CCSER1: variants seen among roughly 807,000 people sequenced by gnomAD.
CCSER1 encodes the protein serine-rich coiled-coil domain-containing protein 1.
CCSER1 carries 41 observed loss-of-function variants against 82.0 expected under a neutral mutation model. That is an observed-to-expected ratio of 0.50 (90% CI 0.39 to 0.65). The LOEUF is 0.65. Ranked by LOEUF, CCSER1 falls within the 30% of genes least tolerant of loss-of-function variation. The pLI is 0.00. For synonymous variants in CCSER1, 414 were observed against 383.9 expected (o/e 1.08, Z -0.92); for missense variants, 1,119 against 1,064.2 (o/e 1.05, Z -0.72).
Position 90,343,675 on chromosome 4 carries a change from G to T in CCSER1, c.1509+30628G>T, listed in dbSNP as rs151193274. On this transcript the variant is annotated intron_variant, in intron 3 of 10. Coordinates refer to ENST00000509176, the MANE Select transcript of CCSER1 (RefSeq NM_001145065.2). Reference sequence around the variant, plus strand: ...TATTTTTTAGACTTGATGGACTTTGGTGTATTCTCACACCAGACTTTTTGG... The same window carrying T: ...TATTTTTTAGACTTGATGGACTTTGTTGTATTCTCACACCAGACTTTTTGG... 2.9e-3 allele frequency among the ~76,000 whole-genome samples: 434 copies of T among 152,168 alleles called. 4 individuals are homozygous for T. The highest frequency in any genetic ancestry group is 0.025 in the South Asian group (121 of 4,810).
chr4:90,990,147 T>G (rs907281000), intron 9 of CCSER1, among the ~76,000 whole-genome samples: 6 of 151,856 alleles, frequency 4.0e-5, no homozygotes, highest in Non-Finnish European at 7.4e-5. Flanking sequence ...ATTAAGCAAC[T>G]CTCAACAATA....
intron 10 of CCSER1, among the ~76,000 whole-genome samples, chr4:91,247,398 A>T (rs1244834628): frequency 6.6e-6 from 1 of 152,200 alleles, no homozygotes; most frequent in Non-Finnish European, 1.5e-5. Flanking sequence ...TGATCCTGGA[A>T]CAATCCAGGT....
At chr4:91,462,764 G>A (rs1440920700) in intron 10 of CCSER1, among the ~76,000 whole-genome samples, 1 of 152,168 alleles carries the variant, frequency 6.6e-6, no homozygotes, top group Non-Finnish European at 1.5e-5. Context: ...CTCATTGCTA[G>A]CACAGCAGTC....
At chr4:91,569,240 C>A (rs1053207073) in intron 10 of CCSER1, among the ~76,000 whole-genome samples, 1 of 152,110 alleles carries the variant, frequency 6.6e-6, no homozygotes, top group Non-Finnish European at 1.5e-5. Context: ...CAGCCATGTT[C>A]CTTCTCATTG....
intron 5 of CCSER1, among the ~76,000 whole-genome samples, chr4:90,568,650 C>A (rs1254469018): frequency 1.3e-5 from 2 of 151,898 alleles, no homozygotes; most frequent in Non-Finnish European, 2.9e-5. Context: ...AATCCATTTA[C>A]ATTCTAGATA....
chr4:90,217,545 A>T (rs907311759), intron 1 of CCSER1, among the ~76,000 whole-genome samples: 1 of 152,038 alleles, frequency 6.6e-6, no homozygotes, highest in East Asian at 1.9e-4. Flanking sequence ...CAAAAGAGAG[A>T]TAGGCTGACT....
At chr4:90,455,585 C>T (rs572455468) in intron 4 of CCSER1, among the ~76,000 whole-genome samples, 1 of 151,996 alleles carries the variant, frequency 6.6e-6, no homozygotes, top group African/African-American at 2.4e-5. Context: ...GTAGGTGAGG[C>T]TAAGAAAAAA....
At position 91,488,206 on chromosome 4, in the gene CCSER1, C is replaced by T. The variant is rs550200756; in HGVS notation, c.2218-110366C>T. 2.6e-3 allele frequency among the ~76,000 whole-genome samples: 395 copies of T among 152,264 alleles called. 2 individuals carry two copies. Among genetic ancestry groups the T allele is most frequent in the South Asian group, 5.2e-3 (25 of 4,828 alleles). On this transcript the variant is annotated intron_variant, in intron 10 of 10. Coordinates refer to ENST00000509176, the MANE Select transcript of CCSER1 (RefSeq NM_001145065.2). ...ATCCAAAAATTAAGAGTTAAATGGA[C>T]ATTTGCCTATTATCAAATAAAATTG...
chr4:90,921,451 T>A (rs1200075392), intron 8 of CCSER1, among the ~76,000 whole-genome samples: 1 of 152,020 alleles, frequency 6.6e-6, no homozygotes, highest in Non-Finnish European at 1.5e-5. Flanking sequence ...AACAATGACA[T>A]CCCTTGAAAT....
At chr4:91,574,492 C>G (rs185457121) in intron 10 of CCSER1, among the ~76,000 whole-genome samples, 1 of 152,048 alleles carries the variant, frequency 6.6e-6, no homozygotes, top group Admixed American at 6.6e-5. Flanking sequence ...TGGAATCTAT[C>G]TAGGTGCCCA....
intron 6 of CCSER1, among the ~76,000 whole-genome samples, chr4:90,649,183 A>C (rs1728263922): frequency 6.6e-6 from 1 of 152,234 alleles, no homozygotes; most frequent in South Asian, 2.1e-4. Flanking sequence ...AGGACATATT[A>C]GAATAAAGTT....
At chr4:90,554,451 T>G (rs1158607951) in intron 5 of CCSER1, among the ~76,000 whole-genome samples, 1 of 152,212 alleles carries the variant, frequency 6.6e-6, no homozygotes, top group Admixed American at 6.5e-5. Flanking sequence ...TCAATTTACC[T>G]TTAAATACCG....
At position 91,428,040 on chromosome 4, in the gene CCSER1, TTC is replaced by T. The variant is rs565969500; in HGVS notation, c.2218-170530_2218-170529del. ...CACTCATTTTCAATCCAACTTGAAT[TTC>T]TGTTTCATTATTTTCTAATGAAATT... is the stretch of plus-strand genomic sequence containing the variant. On this transcript the variant is annotated intron_variant, in intron 10 of 10. Transcript: ENST00000509176. Among the ~76,000 whole-genome samples, 27 of 152,172 alleles carry T rather than the reference TTC, an allele frequency of 1.8e-4. 1 individual carries two copies. In the South Asian group the frequency reaches 2.9e-3, roughly 16 times the overall value.
chr4:90,632,680 T>A (rs1412375347), intron 6 of CCSER1, among the ~76,000 whole-genome samples: 1 of 152,120 alleles, frequency 6.6e-6, no homozygotes, highest in African/African-American at 2.4e-5. Flanking sequence ...TCAGTGTCTC[T>A]TCCAAGTATA....
intron 8 of CCSER1, among the ~76,000 whole-genome samples, chr4:90,821,859 T>G (rs1338460972): frequency 6.6e-6 from 1 of 152,146 alleles, no homozygotes; most frequent in African/African-American, 2.4e-5. Context: ...ACTGTAAATA[T>G]TATCCTCAGG....
intron 5 of CCSER1, among the ~76,000 whole-genome samples, chr4:90,492,730 A>G (rs754994832): frequency 4.6e-5 from 7 of 152,100 alleles, no homozygotes; most frequent in Non-Finnish European, 8.8e-5. Context: ...CTTTGTTCTC[A>G]TTGGTTTCAA....
intron 4 of CCSER1, among the ~76,000 whole-genome samples, chr4:90,416,722 T>C (rs1187576146): frequency 1.3e-5 from 2 of 152,222 alleles, no homozygotes; most frequent in African/African-American, 4.8e-5. Flanking sequence ...TTTTAAAATG[T>C]GCTTTCTGAT....
intron 5 of CCSER1, among the ~76,000 whole-genome samples, chr4:90,561,075 CAGA>C (rs1029404579): frequency 1.2e-4 from 18 of 152,142 alleles, no homozygotes; most frequent in African/African-American, 4.3e-4. Flanking sequence ...ATAAAAATAG[CAGA>C]AGATGTGTTC....
intron 5 of CCSER1, among the ~76,000 whole-genome samples, chr4:90,617,836 G>A (rs557383582): frequency 2.6e-5 from 4 of 152,028 alleles, no homozygotes; most frequent in South Asian, 2.1e-4. Flanking sequence ...CTAATCTCAA[G>A]GATTTTTTTG....
Sources: gnomAD v4.1 joint callset for allele counts (sites outside exome capture counted in the v4.1 genomes callset) on GRCh38, gnomAD v4.1.1 for gene constraint, MANE v1.5 for transcripts, NCBI Gene and HGNC (gene_info 2026-07-23, HGNC 2026-07-21) for gene names.